Variants in PTPRC observed in about 807,000 individuals in gnomAD.
PTPRC encodes the protein protein tyrosine phosphatase receptor type C.
A neutral mutation model predicts 155.9 loss-of-function variants in PTPRC; 44 were observed. That is an observed-to-expected ratio of 0.28 (90% CI 0.22 to 0.36). The LOEUF (loss-of-function observed/expected upper bound fraction) is 0.36, where lower values mean the gene tolerates loss of function less well. Among genes scored for constraint, PTPRC ranks in the 10% least tolerant of loss-of-function variants. The pLI is 1.00. For synonymous variants in PTPRC, 525 were observed against 533.1 expected, an observed-to-expected ratio of 0.98 and a Z score of 0.21; for missense variants, 1,401 against 1,564.6, an observed-to-expected ratio of 0.90 and a Z score of 1.76.
At chr1:198,734,073 C>A in intron 20 of PTPRC, 123 bp from the exon 21 acceptor site, 1 of 923,948 alleles carries the variant, frequency 1.1e-6, no homozygotes, top group South Asian at 1.4e-5. Context: ...TTTGAAACTG[C>A]CCAGAGAAAT....
chr1:198,667,235 T>C (rs1190746079), intron 2 of PTPRC, among the ~76,000 whole-genome samples: 2 of 152,222 alleles, frequency 1.3e-5, no homozygotes, highest in African/African-American at 2.4e-5. Flanking sequence ...ATTTAACATA[T>C]AACCATTCAT....
chr1:198,711,002 G>A (rs1230710549), intron 11 of PTPRC, among the ~76,000 whole-genome samples: 1 of 152,008 alleles, frequency 6.6e-6, no homozygotes. Flanking sequence ...CTACAGGTGC[G>A]TGCCACCACG....
chr1:198,665,141 G>C (rs1664212714), intron 2 of PTPRC, among the ~76,000 whole-genome samples: 1 of 139,544 alleles, frequency 7.2e-6, no homozygotes, highest in Non-Finnish European at 1.5e-5. Flanking sequence ...CCAGGCTGGA[G>C]TGCAGTGGTG....
intron 3 of PTPRC, 144 bp from the exon 4 acceptor site, chr1:198,696,568 G>A: frequency 1.4e-6 from 1 of 733,332 alleles, no homozygotes; most frequent in Non-Finnish European, 2.5e-6. Context: ...ATACACTTAT[G>A]TATGGTGTGT....
intron 32 of PTPRC, 71 bp downstream of exon 32, chr1:198,754,475 C>T: frequency 6.5e-7 from 1 of 1,530,840 alleles, no homozygotes; most frequent in African/African-American, 1.4e-5. Flanking sequence ...TTCCTTTTTT[C>T]TTTTCTCCTC....
intron 2 of PTPRC, among the ~76,000 whole-genome samples, chr1:198,678,456 A>G (rs1306735938): frequency 6.6e-6 from 1 of 152,192 alleles, no homozygotes; most frequent in Non-Finnish European, 1.5e-5. Context: ...TAACAACCAC[A>G]GTTGTAAGGA....
chr1:198,658,286 G>A lies in PTPRC; in HGVS notation c.73+18945G>A, dbSNP rs73081379. The stretch of plus-strand genomic sequence containing the variant: ...TAATTCTATGAGATAATCTGGTATC[G>A]TGGGAATATTTTAGCATGTTTTGTA... On this transcript the variant is annotated intron_variant, in intron 2 of 32. Coordinates refer to ENST00000442510, the MANE Select transcript of PTPRC (RefSeq NM_002838.5). Among the ~76,000 whole-genome samples the A allele has an allele frequency of 3.6e-3, 551 of 152,254 alleles. 4 individuals are homozygous for A. The highest frequency in any genetic ancestry group is 0.012 in the African/African-American group (486 of 41,536).
chr1:198,687,017 T>A (rs1294718535), intron 2 of PTPRC, among the ~76,000 whole-genome samples: 1 of 152,158 alleles, frequency 6.6e-6, no homozygotes, highest in Non-Finnish European at 1.5e-5. Context: ...TTGTTGTTGT[T>A]GTTTTTGAGT....
intron 13 of PTPRC, 42 bp from the exon 14 acceptor site, chr1:198,718,052 T>G (rs775658266): frequency 1.2e-5 from 17 of 1,412,298 alleles, no homozygotes; most frequent in Middle Eastern, 1.7e-4. Flanking sequence ...TACATATGCA[T>G]CTATTAAATT....
chr1:198,724,755 C>T (rs1282333554), intron 15 of PTPRC, among the ~76,000 whole-genome samples: 2 of 151,332 alleles, frequency 1.3e-5, no homozygotes, highest in African/African-American at 4.9e-5. Flanking sequence ...AGGTTTCTGT[C>T]TTTATTCTTG....
chr1:198,704,662 A>G (rs1304648689), intron 8 of PTPRC, among the ~76,000 whole-genome samples, 164 bp downstream of exon 8: 4 of 152,176 alleles, frequency 2.6e-5, no homozygotes, highest in Non-Finnish European at 5.9e-5. Context: ...CTAGCTACAC[A>G]TGGACATAGA....
intron 6 of PTPRC, 87 bp from the exon 7 acceptor site, chr1:198,703,211 G>C (rs1666549213): frequency 1.3e-6 from 2 of 1,587,422 alleles, no homozygotes; most frequent in Admixed American, 1.7e-5. Flanking sequence ...GATGCCAATA[G>C]GAAATTATCT....
chr1:198,650,478 G>A (rs183572499), intron 2 of PTPRC, among the ~76,000 whole-genome samples: 1 of 151,930 alleles, frequency 6.6e-6, no homozygotes, highest in Admixed American at 6.6e-5. Context: ...GTGGCTGCAT[G>A]GAAAAGACAA....
chr1:198,743,029 T>C (rs550271889), intron 25 of PTPRC, among the ~76,000 whole-genome samples: 25 of 136,964 alleles, frequency 1.8e-4, no homozygotes, highest in African/African-American at 6.5e-4. Flanking sequence ...TAGAAACATT[T>C]GCAAGAATGT....
chr1:198,701,716 G>A (rs1301092633), intron 5 of PTPRC, among the ~76,000 whole-genome samples: 2 of 152,206 alleles, frequency 1.3e-5, no homozygotes, highest in Non-Finnish European at 2.9e-5. Flanking sequence ...ATAAGAGAAT[G>A]ATGCCACTGT....
intron 8 of PTPRC, 96 bp from the exon 9 acceptor site, chr1:198,706,638 G>A: frequency 7.5e-7 from 1 of 1,336,106 alleles, no homozygotes; most frequent in East Asian, 2.3e-5. Flanking sequence ...TGTTTTTTGG[G>A]GATATTTGGT....
intron 2 of PTPRC, among the ~76,000 whole-genome samples, chr1:198,675,266 A>T (rs926070787): frequency 6.6e-6 from 1 of 152,188 alleles, no homozygotes; most frequent in Non-Finnish European, 1.5e-5. Context: ...AGAAGCAAAC[A>T]TCTAAATTTA....
At chr1:198,684,630 A>AT (rs1665517493) in intron 2 of PTPRC, among the ~76,000 whole-genome samples, 1 of 151,744 alleles carries the variant, frequency 6.6e-6, no homozygotes, top group Non-Finnish European at 1.5e-5. Context: ...ATATTTTGTG[A>AT]TTTTTAAATG....
chr1:198,723,310 T>C (rs1653982867), intron 15 of PTPRC, among the ~76,000 whole-genome samples: 1 of 152,142 alleles, frequency 6.6e-6, no homozygotes, highest in Non-Finnish European at 1.5e-5. Flanking sequence ...TTTCTATCTT[T>C]GCCACTTCTA....
Sources: allele counts gnomAD v4.1 joint callset (sites outside exome capture counted in the v4.1 genomes callset), GRCh38; gene constraint gnomAD v4.1.1; transcripts MANE v1.5; gene names NCBI Gene and HGNC (gene_info 2026-07-23, HGNC 2026-07-21).